CCDC192: variants seen among roughly 807,000 people sequenced by gnomAD.
The protein encoded by CCDC192 is coiled-coil domain-containing protein 192.
At chr5:127,708,594 T>G (rs1751103153) in intron 2 of CCDC192, among the ~76,000 whole-genome samples, 1 of 152,140 alleles carries the variant, frequency 6.6e-6, no homozygotes, top group Non-Finnish European at 1.5e-5. Context: ...AATCAAGACT[T>G]GGGATGAGGC....
At chr5:127,735,310 A>AAACCAGTATC (rs1338976660) in intron 2 of CCDC192, among the ~76,000 whole-genome samples, 1 of 140,196 alleles carries the variant, frequency 7.1e-6, no homozygotes, top group East Asian at 2.0e-4. Context: ...TACCAGTACC[A>AAACCAGTATC]TGCTGTTTTG....
intron 6 of CCDC192, among the ~76,000 whole-genome samples, chr5:127,898,226 G>A (rs918703491): frequency 2.0e-5 from 3 of 151,618 alleles, no homozygotes; most frequent in Non-Finnish European, 2.9e-5. Context: ...CTCCTGCCTA[G>A]GCCCCTCGAG....
chr5:127,720,507 G>C (rs988467136), intron 2 of CCDC192, among the ~76,000 whole-genome samples: 9 of 152,210 alleles, frequency 5.9e-5, no homozygotes, highest in African/African-American at 2.2e-4. Context: ...CAGGGGCACG[G>C]TGCAAGCTGT....
intron 3 of CCDC192, chr5:127,786,800 G>A (rs11241942): frequency 0.33 from 192,528 of 583,218 alleles, 33,341 homozygotes; most frequent in South Asian, 0.43. Context: ...CCAGGCCAAT[G>A]TACTGAGCTC....
intron 3 of CCDC192, among the ~76,000 whole-genome samples, chr5:127,793,397 GA>G (rs1393977207): frequency 6.6e-6 from 1 of 152,084 alleles, no homozygotes; most frequent in Non-Finnish European, 1.5e-5. Flanking sequence ...TAAGGTATTA[GA>G]AAAAAGTTTC....
chr5:127,792,035 G>A (rs913330267), intron 3 of CCDC192, among the ~76,000 whole-genome samples: 1 of 152,136 alleles, frequency 6.6e-6, no homozygotes, highest in Admixed American at 6.5e-5. Flanking sequence ...AGTAGTGCTG[G>A]GTGTGGTGGC....
intron 5 of CCDC192, among the ~76,000 whole-genome samples, chr5:127,870,995 T>C (rs1751830940): frequency 6.6e-6 from 1 of 152,226 alleles, no homozygotes; most frequent in South Asian, 2.1e-4. Context: ...CCCTTTGTTA[T>C]ACAGGCTCTC....
At chr5:127,872,119 CTATG>C (rs1561533214) in intron 5 of CCDC192, among the ~76,000 whole-genome samples, 1 of 151,774 alleles carries the variant, frequency 6.6e-6, no homozygotes, top group Non-Finnish European at 1.5e-5. Flanking sequence ...TTGGTTAAAG[CTATG>C]AATTAATAGC....
chr5:127,819,652 A>G (rs1049582594), intron 5 of CCDC192, among the ~76,000 whole-genome samples: 1 of 152,184 alleles, frequency 6.6e-6, no homozygotes, highest in African/African-American at 2.4e-5. Context: ...TTCTTTTTAG[A>G]TGTCTTTACT....
intron 6 of CCDC192, among the ~76,000 whole-genome samples, chr5:127,910,760 C>T (rs74558836): frequency 0.021 from 3,177 of 152,232 alleles, 98 homozygotes; most frequent in African/African-American, 0.072. Context: ...TCACATGACC[C>T]CATACACAGG....
In CCDC192 at chr5:127,817,360, A is replaced by G. The variant is rs148224715; in HGVS notation, c.411+19198A>G. 4.6e-3 allele frequency among the ~76,000 whole-genome samples: 701 copies of G among 152,350 alleles called. 2 individuals carry two copies. Among genetic ancestry groups the G allele is most frequent in the Non-Finnish European group, 6.2e-3 (421 of 68,020 alleles). ...GCACAAAAATGTTCATGGCAACATTATTTACAATAGCAAAAAACTGGTAAC... is the reference window on the plus strand; with the variant it reads ...GCACAAAAATGTTCATGGCAACATTGTTTACAATAGCAAAAAACTGGTAAC... On this transcript the variant is annotated intron_variant, in intron 5 of 6. Coordinates refer to ENST00000514853, the MANE Select transcript of CCDC192 (RefSeq NM_001317938.2).
At chr5:127,743,597 C>G (rs1753560080) in intron 2 of CCDC192, among the ~76,000 whole-genome samples, 1 of 152,156 alleles carries the variant, frequency 6.6e-6, no homozygotes, top group Non-Finnish European at 1.5e-5. Flanking sequence ...CTCCCAGGGC[C>G]ACCACCTGCT....
At chr5:127,850,715 C>T (rs377352048) in intron 5 of CCDC192, among the ~76,000 whole-genome samples, 424 of 152,180 alleles carry the variant, frequency 2.8e-3, no homozygotes, top group African/African-American at 9.6e-3. Context: ...CCTGTAATCC[C>T]AGCAATTTGG....
intron 5 of CCDC192, among the ~76,000 whole-genome samples, chr5:127,835,287 G>A (rs1251664883): frequency 6.6e-6 from 1 of 152,160 alleles, no homozygotes. Flanking sequence ...CACTCCATAT[G>A]GTTCAGCAGT....
chr5:127,876,895 T>C (rs1752104498), intron 6 of CCDC192, among the ~76,000 whole-genome samples: 1 of 152,184 alleles, frequency 6.6e-6, no homozygotes, highest in Non-Finnish European at 1.5e-5. Flanking sequence ...CTTGAAACAG[T>C]TTTTTCTTTC....
At chr5:127,916,361 C>A (rs1329115754) in intron 6 of CCDC192, among the ~76,000 whole-genome samples, 2 of 152,200 alleles carry the variant, frequency 1.3e-5, no homozygotes, top group Non-Finnish European at 2.9e-5. Context: ...TTCCTCTATA[C>A]TGTTGTTAAT....
At chr5:127,849,406 A>G (rs973596884) in intron 5 of CCDC192, among the ~76,000 whole-genome samples, 1 of 152,032 alleles carries the variant, frequency 6.6e-6, no homozygotes, top group African/African-American at 2.4e-5. Flanking sequence ...CTGATCTAGG[A>G]TGATCTCCAG....
intron 5 of CCDC192, among the ~76,000 whole-genome samples, chr5:127,804,717 A>T (rs1179620989): frequency 6.6e-6 from 1 of 152,186 alleles, no homozygotes; most frequent in Non-Finnish European, 1.5e-5. Context: ...ATCACCTAGG[A>T]CTTTGAAATG....
At chr5:127,831,203 T>G (rs1749779422) in intron 5 of CCDC192, among the ~76,000 whole-genome samples, 3 of 152,194 alleles carry the variant, frequency 2.0e-5, no homozygotes, top group Admixed American at 6.6e-5. Context: ...GATTTTGTAT[T>G]CTTATCCTAT....
Sources: allele counts gnomAD v4.1 joint callset (sites outside exome capture counted in the v4.1 genomes callset), GRCh38; gene constraint gnomAD v4.1.1; transcripts MANE v1.5; gene names NCBI Gene and HGNC (gene_info 2026-07-23, HGNC 2026-07-21).